Variants in SPP2 observed in about 807,000 individuals in gnomAD.
The protein encoded by SPP2 is secreted phosphoprotein 2, also known as secreted phosphoprotein 24.
In SPP2, 34 loss-of-function variants were observed where a neutral mutation model predicts 28.8. The ratio of observed to expected loss-of-function variants is 1.18; its 90% CI spans 0.90 to 1.57. SPP2 has a LOEUF of 1.57. Ranked by LOEUF, SPP2 falls within the 40% of genes most tolerant of loss-of-function variation. SPP2 has a pLI of 0.00. For missense variants in SPP2, 269 were observed against 263.9 expected, an observed-to-expected ratio of 1.02 and a Z score of -0.13; for synonymous variants, 96 against 89.4, an observed-to-expected ratio of 1.07 and a Z score of -0.42.
At chr2:234,070,047 A>G (rs755212559) in intron 7 of SPP2, 24 bp downstream of exon 7, 4 of 1,582,268 alleles carry the variant, frequency 2.5e-6, no homozygotes, top group Non-Finnish European at 3.5e-6. Flanking sequence ...GGTGCACACA[A>G]GTGTATTTAG....
At chr2:234,051,772 G>C (rs1220220248) in intron 2 of SPP2, among the ~76,000 whole-genome samples, 2 of 152,194 alleles carry the variant, frequency 1.3e-5, no homozygotes, top group African/African-American at 4.8e-5. Context: ...TAAGGTGGGA[G>C]GTAGAGAGGT....
intron 4 of SPP2, among the ~76,000 whole-genome samples, chr2:234,063,951 A>G (rs1047443657): frequency 6.6e-6 from 1 of 152,186 alleles, no homozygotes; most frequent in Admixed American, 6.6e-5. Context: ...ATTTCAAAAG[A>G]TAGATATTCA....
chr2:234,053,228 A>T (rs1574820919), intron 2 of SPP2, among the ~76,000 whole-genome samples: 1 of 152,350 alleles, frequency 6.6e-6, no homozygotes, highest in South Asian at 2.1e-4. Context: ...ATTGTATTTG[A>T]AAAGCAAGTT....
At position 234,060,306 on chromosome 2, in the gene SPP2, C is replaced by T. The variant is rs904324773; in HGVS notation, c.334-63C>T. ...CTGACATTTATTTTCCTGATTTACT[C>T]AATGGAGGCTATCCCTTTCCACAAA... is the stretch of plus-strand genomic sequence containing the variant. On this transcript the variant is annotated intron_variant, in intron 3 of 7. Coordinates refer to ENST00000168148, the MANE Select transcript of SPP2 (RefSeq NM_006944.3). 14 of 1,084,996 alleles carry T rather than the reference C, an allele frequency of 1.3e-5. No individual in the cohort carries two copies. In the African/African-American group the frequency reaches 2.0e-4, roughly 16 times the overall value. The allele number at this position is 1,084,996 out of a possible 1,614,324, so 67.2% of individuals were successfully genotyped here.
chr2:234,066,614 T>G (rs1046981626), intron 5 of SPP2, 27 bp downstream of exon 5: 13 of 1,573,208 alleles, frequency 8.3e-6, no homozygotes, highest in Non-Finnish European at 1.0e-5. Flanking sequence ...TCTTTTTAAC[T>G]TTTTTTCTTA....
At chr2:234,057,089 G>A (rs1225617639) in intron 2 of SPP2, among the ~76,000 whole-genome samples, 2 of 152,092 alleles carry the variant, frequency 1.3e-5, no homozygotes, top group Admixed American at 6.6e-5. Flanking sequence ...CTTGGATCCT[G>A]GGGGTGTTGT....
In SPP2 at chr2:234,059,449, G is replaced by A. The variant is rs142008672; in HGVS notation, c.333+491G>A. Among the ~76,000 whole-genome samples the A allele has an allele frequency of 1.1e-4, 17 of 152,256 alleles. No individual in the cohort carries two copies. The East Asian group carries it at 3.3e-3, about 29-fold the overall frequency. On this transcript the variant is annotated intron_variant, in intron 3 of 7. Transcript: ENST00000168148. Reference sequence around the variant, plus strand: ...ACCAGAACATGTACAGCACTGTTCCGTGGTAAGCAGGACCATGAAAACCTA... The same window carrying A: ...ACCAGAACATGTACAGCACTGTTCCATGGTAAGCAGGACCATGAAAACCTA...
At chr2:234,064,559 C>T (rs866231189) in intron 4 of SPP2, among the ~76,000 whole-genome samples, 1 of 152,104 alleles carries the variant, frequency 6.6e-6, no homozygotes, top group Non-Finnish European at 1.5e-5. Context: ...TTTAAAAATA[C>T]ATTTTGGTGG....
chr2:234,060,292 T>A lies in SPP2; in HGVS notation c.334-77T>A, dbSNP rs557978181. The A allele has an allele frequency of 9.4e-6, 9 of 959,350 alleles. No individual in the cohort carries two copies. The East Asian group carries it at 2.2e-4, about 24-fold the overall frequency. 59.4% of individuals were successfully genotyped at this position (959,350 alleles called of 1,614,324 possible). On this transcript the variant is annotated intron_variant, in intron 3 of 7. Coordinates refer to ENST00000168148, the MANE Select transcript of SPP2 (RefSeq NM_006944.3). The stretch of plus-strand genomic sequence containing the variant: ...TCATTTCGTCAAACCTGACATTTAT[T>A]TTCCTGATTTACTCAATGGAGGCTA...
At chr2:234,070,791 C>T (rs932140470) in intron 7 of SPP2, among the ~76,000 whole-genome samples, 3 of 152,244 alleles carry the variant, frequency 2.0e-5, no homozygotes, top group South Asian at 2.1e-4. Flanking sequence ...GGTGAGCATT[C>T]GTATGATCTC....
At chr2:234,073,254 T>C (rs1258582337) in intron 7 of SPP2, among the ~76,000 whole-genome samples, 2 of 152,250 alleles carry the variant, frequency 1.3e-5, no homozygotes, top group East Asian at 3.8e-4. Context: ...TGTAAAAATA[T>C]TATTAATGAT....
intron 2 of SPP2, among the ~76,000 whole-genome samples, chr2:234,052,027 A>C (rs1335535796): frequency 2.0e-5 from 3 of 152,172 alleles, no homozygotes; most frequent in Non-Finnish European, 4.4e-5. Flanking sequence ...ATTCAGCTTG[A>C]TCTTCCTCAG....
chr2:234,065,761 C>T (rs1030613005), intron 4 of SPP2, among the ~76,000 whole-genome samples: 2 of 151,642 alleles, frequency 1.3e-5, no homozygotes, highest in Non-Finnish European at 2.9e-5. Context: ...TTGATGGTGC[C>T]CTTTGAAGAG....
At chr2:234,060,028 C>CTGA (rs771391184) in intron 3 of SPP2, among the ~76,000 whole-genome samples, 1 of 152,282 alleles carries the variant, frequency 6.6e-6, no homozygotes, top group East Asian at 1.9e-4. Context: ...CTAATGAAAT[C>CTGA]TGAGGGCAAA....
chr2:234,075,122 T>A (rs753156357), intron 7 of SPP2, among the ~76,000 whole-genome samples: 3 of 151,460 alleles, frequency 2.0e-5, no homozygotes, highest in Non-Finnish European at 4.4e-5. Context: ...TGGGAAGGTG[T>A]GGGTAGGTTG....
intron 3 of SPP2, 52 bp from the exon 4 acceptor site, chr2:234,060,317 A>G (rs1189515906): frequency 8.0e-7 from 1 of 1,247,270 alleles, no homozygotes; most frequent in Non-Finnish European, 1.2e-6. Flanking sequence ...AATGGAGGCT[A>G]TCCCTTTCCA....
intron 2 of SPP2, chr2:234,056,366 G>T (rs1693608003): frequency 6.6e-6 from 1 of 152,188 alleles, no homozygotes; most frequent in Non-Finnish European, 1.5e-5. Context: ...AAACCACAAT[G>T]AGTTGACTTC....
intron 6 of SPP2, 100 bp from the exon 7 acceptor site, chr2:234,069,828 C>T (rs1693897656): frequency 1.1e-6 from 1 of 947,546 alleles, no homozygotes; most frequent in East Asian, 2.5e-5. Flanking sequence ...TCAGGTTATG[C>T]TTGTCACAAT....
chr2:234,066,500 T>G lies in SPP2; in HGVS notation c.445-33T>G, dbSNP rs183916315. 7 of 1,586,086 alleles carry G rather than the reference T, an allele frequency of 4.4e-6. No homozygotes were observed. In the East Asian group the frequency reaches 6.7e-5, roughly 15 times the overall value. On this transcript the variant is annotated intron_variant, in intron 4 of 7. Transcript: ENST00000168148. ...GTCTTTCCTTTTTCTTTCTTTCATG[T>G]GCTGACACATCCTGATGCCTGAATT... is the stretch of plus-strand genomic sequence containing the variant.
Sources: gnomAD v4.1 joint callset for allele counts (sites outside exome capture counted in the v4.1 genomes callset) on GRCh38, gnomAD v4.1.1 for gene constraint, MANE v1.5 for transcripts, NCBI Gene and HGNC (gene_info 2026-07-23, HGNC 2026-07-21) for gene names.